PCDHGA9: variants seen among roughly 807,000 people sequenced by gnomAD.
PCDHGA9 encodes the protein protocadherin gamma-A9.
In PCDHGA9, 37 loss-of-function variants were observed where a neutral mutation model predicts 62.5. The ratio of observed to expected loss-of-function variants is 0.59; its 90% CI spans 0.46 to 0.78. The LOEUF (loss-of-function observed/expected upper bound fraction) is 0.78. Among genes scored for constraint, PCDHGA9 ranks in the 30% least tolerant of loss-of-function variants. The pLI is 0.00. For missense variants in PCDHGA9, 1,138 were observed against 1,166.2 expected, an observed-to-expected ratio of 0.98 and a Z score of 0.35; for synonymous variants, 459 against 484.6, an observed-to-expected ratio of 0.95 and a Z score of 0.69.
intron 1 of PCDHGA9, among the ~76,000 whole-genome samples, chr5:141,480,240 C>CAAA (rs11374694): frequency 1.8e-5 from 2 of 114,046 alleles, no homozygotes; most frequent in Non-Finnish European, 3.8e-5. Context: ...CCTGTCTCTA[C>CAAA]AAAAAAAAAA....
At chr5:141,415,655 T>C (rs780357843) in intron 1 of PCDHGA9, 50 of 1,586,718 alleles carry the variant, frequency 3.2e-5, no homozygotes, top group Non-Finnish European at 4.0e-5. Flanking sequence ...AAAAAAAAGA[T>C]TGGTTTTTAC....
intron 1 of PCDHGA9, chr5:141,415,428 G>C (rs948747218): frequency 1.2e-6 from 2 of 1,614,088 alleles, no homozygotes; most frequent in Non-Finnish European, 1.7e-6. Context: ...ACGGGGTTCG[G>C]GCTTTCCTGC....
intron 1 of PCDHGA9, among the ~76,000 whole-genome samples, chr5:141,456,538 A>T (rs1010588747): frequency 7.2e-5 from 11 of 152,184 alleles, no homozygotes; most frequent in Admixed American, 3.3e-4. Context: ...TTAAAGAGGG[A>T]TTGTAGCCAC....
intron 2 of PCDHGA9, among the ~76,000 whole-genome samples, chr5:141,504,422 T>G (rs1375202110): frequency 6.6e-6 from 1 of 152,078 alleles, no homozygotes; most frequent in Admixed American, 6.6e-5. Context: ...AGACAGGCAC[T>G]ACAACAGCTG....
In PCDHGA9 at chr5:141,505,471, G is replaced by A. The variant is rs766596231; in HGVS notation, c.2562G>A (p.Ala854=). The A allele has an allele frequency of 3.4e-5, 55 of 1,614,244 alleles. No individual in the cohort carries two copies. The highest frequency in any genetic ancestry group is 1.1e-4 in the East Asian group (5 of 44,880). ...AGATGCTGCAAGCCATGATCTTGGCGTCCGCCAGTGGTAAGTGGTGTCAGT... is the reference window on the plus strand; with the variant it reads ...AGATGCTGCAAGCCATGATCTTGGCATCCGCCAGTGGTAAGTGGTGTCAGT... ...DTEMLQAMIL[A]SASEAADGSS... Residue 854 remains alanine (A), a synonymous_variant, in exon 3 of 4, where the codon GCG becomes GCA. Coordinates refer to ENST00000573521, the MANE Select transcript of PCDHGA9 (RefSeq NM_018921.3).
intron 1 of PCDHGA9, chr5:141,428,018 C>T (rs771831423): frequency 1.9e-6 from 3 of 1,604,570 alleles, no homozygotes; most frequent in Non-Finnish European, 2.6e-6. Flanking sequence ...TAGTGCCACG[C>T]GCCGCAGAGT....
In PCDHGA9 at chr5:141,419,475, C is replaced by T. The variant is rs775720158; in HGVS notation, c.2424+14099C>T. On this transcript the variant is annotated intron_variant, in intron 1 of 3. Coordinates refer to ENST00000573521, the MANE Select transcript of PCDHGA9 (RefSeq NM_018921.3). Reference sequence around the variant, plus strand: ...ACGCTGCAGGCCCGCGACCAGGGCTCGCCCGCGCTCAGCGCCAATGTGAGC... The same window carrying T: ...ACGCTGCAGGCCCGCGACCAGGGCTTGCCCGCGCTCAGCGCCAATGTGAGC... The T allele has an allele frequency of 4.6e-5, 74 of 1,612,266 alleles. No homozygotes were observed. The highest frequency in any genetic ancestry group is 5.9e-5 in the Non-Finnish European group (70 of 1,179,514).
At position 141,413,510 on chromosome 5, in the gene PCDHGA9, T is replaced by G. The variant is rs372002880; in HGVS notation, c.2424+8134T>G. On this transcript the variant is annotated intron_variant, in intron 1 of 3. Transcript: ENST00000573521. ...GCGCGGTGCGTGGTGAGTTTTAATA[T>G]CCTTGTGGAAGACAGGGTGAAACTT... The G allele has an allele frequency of 5.4e-5, 87 of 1,613,876 alleles. No individual in the cohort carries two copies. Among genetic ancestry groups the G allele is most frequent in the Middle Eastern group, 1.6e-4 (1 of 6,084 alleles).
chr5:141,474,371 G>A (rs909237592), intron 1 of PCDHGA9, among the ~76,000 whole-genome samples: 1 of 152,180 alleles, frequency 6.6e-6, no homozygotes, highest in African/African-American at 2.4e-5. Flanking sequence ...TAGGTCTAGA[G>A]GAGGGCATTT....
chr5:141,452,701 G>A (rs2098747163), intron 1 of PCDHGA9, among the ~76,000 whole-genome samples: 1 of 151,838 alleles, frequency 6.6e-6, no homozygotes, highest in Non-Finnish European at 1.5e-5. Context: ...TGTCAAGAAA[G>A]AAAGGAAGGA....
rs2097400915 is a variant in PCDHGA9, at chr5:141,431,619, A to G, written c.2424+26243A>G. The stretch of plus-strand genomic sequence containing the variant: ...TATTCCTTCCGGTATGTGGACGACA[A>G]GGCGGCCCAAGTTTTCAAACTAGAT... On this transcript the variant is annotated intron_variant, in intron 1 of 3. Coordinates refer to ENST00000573521, the MANE Select transcript of PCDHGA9 (RefSeq NM_018921.3). The surrounding 1 kb of genome is among the most constrained non-coding windows in gnomAD (Gnocchi z 4.8). 3.1e-6 allele frequency: 5 copies of G among 1,614,230 alleles called. No homozygotes were observed. The highest frequency in any genetic ancestry group is 4.5e-5 in the East Asian group (2 of 44,880).
chr5:141,403,538 C>T lies in PCDHGA9; in HGVS notation c.586C>T (p.Leu196=), dbSNP rs781129314. ...TGGAGCCATAAACCCAGAGCTGGTG[C>T]TGGAGCGCGCCCTGGACAGGGAGGA... ...DNGAINPELV[L]ERALDREEAT... is the part of the protein sequence containing the mutation. The change falls in exon 1 of 4, where the codon CTG becomes TTG. Residue 196 remains leucine, a synonymous_variant. Coordinates refer to ENST00000573521, the MANE Select transcript of PCDHGA9 (RefSeq NM_018921.3). The T allele has an allele frequency of 1.5e-5, 24 of 1,613,874 alleles. No individual in the cohort carries two copies. The highest frequency in any genetic ancestry group is 1.5e-5 in the Non-Finnish European group (18 of 1,179,880).
rs758102201 is a variant in PCDHGA9, at chr5:141,404,482, C to T, written c.1530C>T (p.Asp510=). The change falls in exon 1 of 4, where the codon GAC becomes GAT. Residue 510 remains aspartate, a synonymous_variant. Transcript: ENST00000573521. ...PLSTYVSINS[D]TGVLYALCSF... ...CCACCTATGTCTCTATTAACTCAGA[C>T]ACTGGTGTGCTGTATGCTCTGTGCT... The T allele has an allele frequency of 1.2e-6, 2 of 1,613,594 alleles. No individual in the cohort carries two copies. Among genetic ancestry groups the T allele is most frequent in the East Asian group, 2.2e-5 (1 of 44,894 alleles).
At chr5:141,425,392 A>G (rs2096872216) in intron 1 of PCDHGA9, among the ~76,000 whole-genome samples, 1 of 152,232 alleles carries the variant, frequency 6.6e-6, no homozygotes, top group African/African-American at 2.4e-5. Flanking sequence ...GGTAGTGATA[A>G]AGTTCTGTTA....
chr5:141,450,823 A>AT (rs1453980247), intron 1 of PCDHGA9, among the ~76,000 whole-genome samples: 4 of 133,078 alleles, frequency 3.0e-5, no homozygotes, highest in African/African-American at 1.2e-4. Context: ...TAATATTATT[A>AT]TTATTATTTT....
intron 1 of PCDHGA9, chr5:141,420,085 C>T: frequency 1.2e-6 from 2 of 1,614,028 alleles, no homozygotes; most frequent in Middle Eastern, 1.6e-4. Context: ...GTCCCCCCAA[C>T]TACAGTGAGG....
rs1340147578 is a variant in PCDHGA9, at chr5:141,487,141, T to C, written c.2425-7666T>C. On this transcript the variant is annotated intron_variant, in intron 1 of 3. Transcript: ENST00000573521. This position sits in a 1 kb window ranked among gnomAD's most constrained non-coding sequence, Gnocchi z 5.0. ...AGGATAGTGGTAGTCCACCACTCTCTACCTCTGTTACTCTCTTAGTGTCCT... is the reference window on the plus strand; with the variant it reads ...AGGATAGTGGTAGTCCACCACTCTCCACCTCTGTTACTCTCTTAGTGTCCT... The C allele has an allele frequency of 1.2e-6, 2 of 1,613,882 alleles. No individual in the cohort carries two copies. Among genetic ancestry groups the C allele is most frequent in the African/African-American group, 2.7e-5 (2 of 74,934 alleles).
intron 1 of PCDHGA9, among the ~76,000 whole-genome samples, chr5:141,443,654 G>A (rs2098397947): frequency 6.6e-6 from 1 of 152,150 alleles, no homozygotes; most frequent in Non-Finnish European, 1.5e-5. Context: ...TGTTAGCATA[G>A]CATTTTACTG....
chr5:141,417,980 C>G lies in PCDHGA9; in HGVS notation c.2424+12604C>G, dbSNP rs905203424. On this transcript the variant is annotated intron_variant, in intron 1 of 3. Coordinates refer to ENST00000573521, the MANE Select transcript of PCDHGA9 (RefSeq NM_018921.3). ...GATCCGCTACTCGATTCCGGAGGAG[C>G]TGGCCAAGGGCTCGGTGGTGGGGAA... is the stretch of plus-strand genomic sequence containing the variant. The G allele has an allele frequency of 1.9e-6, 3 of 1,613,738 alleles. No individual in the cohort carries two copies. In the African/African-American group the frequency reaches 4.0e-5, roughly 22 times the overall value.
Sources: gnomAD v4.1 joint callset for allele counts (sites outside exome capture counted in the v4.1 genomes callset) on GRCh38, gnomAD v4.1.1 for gene constraint, Gnocchi (gnomAD v3.1) non-coding constraint, MANE v1.5 for transcripts, NCBI Gene and HGNC (gene_info 2026-07-23, HGNC 2026-07-21) for gene names.